PIK3R3: variants seen among roughly 807,000 people sequenced by gnomAD.
The protein encoded by PIK3R3 is phosphatidylinositol 3-kinase regulatory subunit gamma.
PIK3R3 carries 64 observed loss-of-function variants against 62.9 expected under a neutral mutation model. The observed-to-expected ratio is 1.02, with a 90% CI of 0.83 to 1.25. PIK3R3 has a LOEUF of 1.25. PIK3R3 is among the 50% of genes most tolerant of loss of function. PIK3R3 has a pLI of 0.00. For missense variants in PIK3R3, 614 were observed against 561.6 expected (o/e 1.09, Z -0.94); for synonymous variants, 165 against 189.0 (o/e 0.87, Z 1.04).
upstream of PIK3R3, chr1:46,132,637 A>G (rs1165521220): frequency 8.5e-6 from 11 of 1,289,718 alleles, no homozygotes; most frequent in East Asian, 1.7e-4. Flanking sequence ...CCCGGACTCC[A>G]GCCACTAGAG....
At chr1:46,145,323 G>C in the PIK3R3 span, among the ~76,000 whole-genome samples, 1 of 151,452 alleles carries the variant, frequency 6.6e-6, no homozygotes, top group Non-Finnish European at 1.5e-5. Context: ...CCCTGTCTTA[G>C]TCCATTTTGT....
At chr1:46,068,244 T>C (rs1425226114) in intron 3 of PIK3R3, among the ~76,000 whole-genome samples, 1 of 152,206 alleles carries the variant, frequency 6.6e-6, no homozygotes, top group East Asian at 1.9e-4. Flanking sequence ...CACTCACACA[T>C]ACAATAATTG....
At chr1:46,120,010 C>T (rs1654525792) in intron 1 of PIK3R3, among the ~76,000 whole-genome samples, 1 of 151,990 alleles carries the variant, frequency 6.6e-6, no homozygotes, top group Non-Finnish European at 1.5e-5. Flanking sequence ...CCTAATTTTT[C>T]AGGCTAGCTT....
chr1:46,081,434 G>A (rs1440959258), intron 1 of PIK3R3, among the ~76,000 whole-genome samples: 1 of 152,180 alleles, frequency 6.6e-6, no homozygotes, highest in Non-Finnish European at 1.5e-5. Flanking sequence ...GTGGGCAAGT[G>A]AACATTACTG....
chr1:46,162,236 C>A, the PIK3R3 span, among the ~76,000 whole-genome samples: 1 of 152,036 alleles, frequency 6.6e-6, no homozygotes, highest in Non-Finnish European at 1.5e-5. Context: ...GTAATCCCAG[C>A]ACTTTGGGAG....
the PIK3R3 span, among the ~76,000 whole-genome samples, chr1:46,147,211 C>A: frequency 1.3e-5 from 2 of 152,146 alleles, no homozygotes; most frequent in Non-Finnish European, 2.9e-5. Flanking sequence ...AAGGTTCAAG[C>A]GATTCTCCTG....
intron 1 of PIK3R3, among the ~76,000 whole-genome samples, chr1:46,095,514 T>G (rs557255239): frequency 6.6e-6 from 1 of 151,826 alleles, no homozygotes. Context: ...CGCGGGGTGG[T>G]AGGGGGAGAG....
intron 7 of PIK3R3, among the ~76,000 whole-genome samples, chr1:46,052,764 A>T (rs1647476055): frequency 6.6e-6 from 1 of 152,088 alleles, no homozygotes; most frequent in Non-Finnish European, 1.5e-5. Context: ...GTATTTAAAC[A>T]CTCAAGAATA....
chr1:46,133,225 A>T (rs1655781743), upstream of PIK3R3, among the ~76,000 whole-genome samples: 1 of 152,242 alleles, frequency 6.6e-6, no homozygotes, highest in African/African-American at 2.4e-5. Flanking sequence ...AAAAAAAGAA[A>T]GAAAGAAAGG....
chr1:46,104,925 CAAAAAAAAAAAA>C (rs757829828), intron 1 of PIK3R3: 11 of 195,784 alleles, frequency 5.6e-5, no homozygotes, highest in East Asian at 2.4e-4. Context: ...AAGACTCCAT[CAAAAAAAAAAAA>C]AAAAAAAAAA....
At chr1:46,082,791 A>C (rs914531961) in intron 1 of PIK3R3, among the ~76,000 whole-genome samples, 5 of 152,106 alleles carry the variant, frequency 3.3e-5, no homozygotes, top group African/African-American at 9.7e-5. Flanking sequence ...TTGGCCGGGT[A>C]CGGTGGCTCA....
intron 1 of PIK3R3, among the ~76,000 whole-genome samples, chr1:46,129,302 A>G (rs916706550): frequency 1.3e-5 from 2 of 152,198 alleles, no homozygotes; most frequent in Admixed American, 1.3e-4. Context: ...AATTGCTTCT[A>G]TAGAATTTAT....
the PIK3R3 span, among the ~76,000 whole-genome samples, chr1:46,154,749 T>C: frequency 6.6e-6 from 1 of 152,108 alleles, no homozygotes; most frequent in Non-Finnish European, 1.5e-5. Flanking sequence ...GCCTTTTATC[T>C]GTCAGGATTT....
chr1:46,165,975 TG>T, the PIK3R3 span, among the ~76,000 whole-genome samples: 1 of 150,440 alleles, frequency 6.6e-6, no homozygotes, highest in Non-Finnish European at 1.5e-5. Flanking sequence ...GGGTTTCACC[TG>T]TGTTAGCCAG....
At chr1:46,114,280 G>C (rs955978531) in intron 1 of PIK3R3, among the ~76,000 whole-genome samples, 3 of 152,106 alleles carry the variant, frequency 2.0e-5, no homozygotes, top group Non-Finnish European at 4.4e-5. Context: ...AGAAAAATCA[G>C]GAAGTTCTTA....
chr1:46,169,654 G>A, the PIK3R3 span, among the ~76,000 whole-genome samples: 15 of 152,124 alleles, frequency 9.9e-5, no homozygotes, highest in African/African-American at 2.2e-4. Context: ...CAAGGAGAGG[G>A]AGGCAAATGG....
At chr1:46,043,906 A>C in intron 9 of PIK3R3, 35 bp from the exon 10 acceptor site, 1 of 1,546,344 alleles carries the variant, frequency 6.5e-7, no homozygotes, top group Non-Finnish European at 8.9e-7. Context: ...ATGTTAAGGT[A>C]GGTAACAATA....
chr1:46,098,985 C>T (rs1358288437), intron 1 of PIK3R3, among the ~76,000 whole-genome samples: 2 of 152,156 alleles, frequency 1.3e-5, no homozygotes, highest in African/African-American at 4.8e-5. Flanking sequence ...TGGGCATGAG[C>T]CACCCCACCC....
At position 46,132,604 on chromosome 1, in the gene PIK3R3, G is replaced by C. The variant is rs1261555777; in HGVS notation, c.-652C>G. 5.4e-6 allele frequency: 7 copies of C among 1,289,098 alleles called. No individual in the cohort carries two copies. The highest frequency in any genetic ancestry group is 1.2e-5 in the South Asian group (1 of 81,006). The allele number at this position is 1,289,098 out of a possible 1,614,324, so 79.9% of individuals were successfully genotyped here. On this transcript the variant is annotated 5_prime_UTR_variant, in exon 1 of 10. Transcript: ENST00000262741. ...CCGGGGTGTAAGAACCAACCCGACCGCACCAACTGCCCTCAAGCTCTGCCC... is the reference window on the plus strand; with the variant it reads ...CCGGGGTGTAAGAACCAACCCGACCCCACCAACTGCCCTCAAGCTCTGCCC...
Sources: gnomAD v4.1 joint callset for allele counts (sites outside exome capture counted in the v4.1 genomes callset) on GRCh38, gnomAD v4.1.1 for gene constraint, MANE v1.5 for transcripts, NCBI Gene and HGNC (gene_info 2026-07-23, HGNC 2026-07-21) for gene names.